Variants in IL1RAPL1 observed in about 807,000 individuals in gnomAD.
The protein encoded by IL1RAPL1 is interleukin-1 receptor accessory protein-like 1.
Under a neutral mutation model 48.4 loss-of-function variants are expected in IL1RAPL1, and 3 were observed. That is an observed-to-expected ratio of 0.06 (90% CI 0.03 to 0.16). The LOEUF (loss-of-function observed/expected upper bound fraction) is 0.16. Among genes scored for constraint, IL1RAPL1 ranks in the 10% least tolerant of loss-of-function variants. The pLI is 1.00. For missense variants in IL1RAPL1, 349 were observed against 530.6 expected (o/e 0.66, Z 3.36); for synonymous variants, 185 against 187.7 (o/e 0.99, Z 0.12).
chrX:29,288,916 T>A lies in IL1RAPL1; in HGVS notation c.362+5699T>A, dbSNP rs1932329683. 5.3e-5 allele frequency among the ~76,000 whole-genome samples: 6 copies of A among 112,613 alleles called. No individual in the cohort carries two copies. The Admixed American group carries it at 5.6e-4, about 11-fold the overall frequency. Reference sequence around the variant, plus strand: ...TTTGCATTTCTCTAATGATAAGTAATGTTGAACGTTTTTTCATATGTTTGT... The same window carrying A: ...TTTGCATTTCTCTAATGATAAGTAAAGTTGAACGTTTTTTCATATGTTTGT... On this transcript the variant is annotated intron_variant, in intron 3 of 10. Transcript: ENST00000378993.
intron 5 of IL1RAPL1, among the ~76,000 whole-genome samples, chrX:29,451,848 G>T (rs1934684078): frequency 8.9e-6 from 1 of 111,828 alleles, no homozygotes; most frequent in African/African-American, 3.2e-5. Flanking sequence ...TAAAAATAGA[G>T]AGGAAAATAA....
chrX:29,389,310 T>G (rs1347670808), intron 3 of IL1RAPL1, among the ~76,000 whole-genome samples: 1 of 99,613 alleles, frequency 1.0e-5, no homozygotes, highest in Non-Finnish European at 2.0e-5. Flanking sequence ...GAGCCGAGAT[T>G]GCGCCACTGC....
At chrX:29,065,015 G>T (rs1363320001) in intron 2 of IL1RAPL1, among the ~76,000 whole-genome samples, 1 of 111,821 alleles carries the variant, frequency 8.9e-6, no homozygotes, top group Non-Finnish European at 1.9e-5. Flanking sequence ...ATATATCTTT[G>T]TTCCCTTCCA....
chrX:29,098,537 C>T (rs1233026407), intron 2 of IL1RAPL1, among the ~76,000 whole-genome samples: 1 of 111,560 alleles, frequency 9.0e-6, no homozygotes, highest in East Asian at 2.8e-4. Flanking sequence ...AGCTTGGATA[C>T]TCAACTTGTG....
intron 2 of IL1RAPL1, among the ~76,000 whole-genome samples, chrX:29,064,084 T>C (rs1414806555): frequency 1.8e-5 from 2 of 111,115 alleles, no homozygotes; most frequent in Non-Finnish European, 3.8e-5. Context: ...TACCCAAGAG[T>C]AGGGCAGAGA....
At chrX:28,710,207 C>T (rs932799921) in intron 1 of IL1RAPL1, among the ~76,000 whole-genome samples, 10 of 111,192 alleles carry the variant, frequency 9.0e-5, no homozygotes, top group Non-Finnish European at 1.3e-4. Flanking sequence ...TCATACTAAA[C>T]AAATCTCTGA....
At chrX:29,164,986 C>T (rs1929758903) in intron 2 of IL1RAPL1, among the ~76,000 whole-genome samples, 1 of 112,045 alleles carries the variant, frequency 8.9e-6, no homozygotes. Flanking sequence ...CAGCGTCTAA[C>T]TTGTGCTTGT....
At chrX:29,413,804 A>G (rs184712029) in intron 5 of IL1RAPL1, among the ~76,000 whole-genome samples, 10 of 110,735 alleles carry the variant, frequency 9.0e-5, no homozygotes, top group Admixed American at 8.8e-4. Flanking sequence ...TTTGTGTGCA[A>G]GCTACTAACA....
Position 28,747,345 on chromosome X carries a change from T to C in IL1RAPL1, c.-24-41975T>C, listed in dbSNP as rs556678172. Among the ~76,000 whole-genome samples, 26 of 111,808 alleles carry C rather than the reference T, an allele frequency of 2.3e-4. No homozygotes were observed. In the South Asian group the frequency reaches 8.6e-3, roughly 37 times the overall value. ...TTTCATTCTTACCCTTGAATAACAG[T>C]TCAGCAGGGGCCGGGCGCAGTGGCT... On this transcript the variant is annotated intron_variant, in intron 1 of 10. Coordinates refer to ENST00000378993, the MANE Select transcript of IL1RAPL1 (RefSeq NM_014271.4).
intron 2 of IL1RAPL1, among the ~76,000 whole-genome samples, chrX:28,906,752 A>T (rs1181098720): frequency 9.0e-6 from 1 of 111,366 alleles, no homozygotes; most frequent in African/African-American, 3.3e-5. Context: ...CATTTTTTTC[A>T]TTTATTTCTT....
chrX:29,889,517 A>G (rs1432820640), intron 6 of IL1RAPL1, among the ~76,000 whole-genome samples: 1 of 111,988 alleles, frequency 8.9e-6, no homozygotes, highest in Non-Finnish European at 1.9e-5. Context: ...GATTGATTAA[A>G]TAAATATAAT....
chrX:29,530,146 G>T (rs1935598034), intron 5 of IL1RAPL1, among the ~76,000 whole-genome samples: 1 of 111,504 alleles, frequency 9.0e-6, no homozygotes, highest in South Asian at 3.7e-4. Flanking sequence ...TTTGGTTTAA[G>T]AATACTTAGT....
chrX:29,585,508 A>AT (rs759736347), intron 5 of IL1RAPL1, among the ~76,000 whole-genome samples: 34 of 112,022 alleles, frequency 3.0e-4, no homozygotes, highest in Admixed American at 2.0e-3. Context: ...GGTCATTGAT[A>AT]TACTGATTTC....
At chrX:29,925,718 A>AG (rs760476658) in intron 8 of IL1RAPL1, among the ~76,000 whole-genome samples, 2 of 107,929 alleles carry the variant, frequency 1.9e-5, no homozygotes, top group Non-Finnish European at 3.8e-5. Flanking sequence ...AAAAAAAAAA[A>AG]TTGTAGAGAC....
chrX:29,821,550 C>A lies in IL1RAPL1; in HGVS notation c.779-95914C>A, dbSNP rs150870766. Reference sequence around the variant, plus strand: ...ACTGAAAACTTTGTTTTATTTTCTTCAGGTCACTTACAAGAAACCACTTAC... The same window carrying A: ...ACTGAAAACTTTGTTTTATTTTCTTAAGGTCACTTACAAGAAACCACTTAC... On this transcript the variant is annotated intron_variant, in intron 6 of 10. Transcript: ENST00000378993. Among the ~76,000 whole-genome samples the A allele has an allele frequency of 5.4e-3, 604 of 112,437 alleles. 2 individuals carry two copies. Among genetic ancestry groups the A allele is most frequent in the African/African-American group, 0.019 (584 of 31,030 alleles).
intron 6 of IL1RAPL1, among the ~76,000 whole-genome samples, chrX:29,849,337 G>A (rs148260305): frequency 0.02 from 2,239 of 111,196 alleles, 64 homozygotes; most frequent in African/African-American, 0.067. Flanking sequence ...TCTATAGACT[G>A]TATAGTCTGA....
chrX:29,040,420 A>T, intron 2 of IL1RAPL1, among the ~76,000 whole-genome samples: 1 of 111,816 alleles, frequency 8.9e-6, no homozygotes, highest in Middle Eastern at 4.6e-3. Flanking sequence ...TTAAAAGTAG[A>T]TGTTGTTTCA....
chrX:28,865,741 G>A (rs1434783646), intron 2 of IL1RAPL1, among the ~76,000 whole-genome samples: 6 of 112,034 alleles, frequency 5.4e-5, no homozygotes, highest in South Asian at 3.7e-4. Flanking sequence ...AGACCAAGAC[G>A]TGCAAAGCAA....
intron 2 of IL1RAPL1, among the ~76,000 whole-genome samples, chrX:29,237,761 G>C (rs1931337151): frequency 8.9e-6 from 1 of 112,339 alleles, no homozygotes; most frequent in Non-Finnish European, 1.9e-5. Context: ...CACACATTAA[G>C]TGTATGACAT....
Sources: gnomAD v4.1 joint callset for allele counts (sites outside exome capture counted in the v4.1 genomes callset) on GRCh38, gnomAD v4.1.1 for gene constraint, MANE v1.5 for transcripts, NCBI Gene and HGNC (gene_info 2026-07-23, HGNC 2026-07-21) for gene names.